Variants in CRB1 observed in about 807,000 individuals in gnomAD.
CRB1 encodes protein crumbs homolog 1.
In CRB1, 83 loss-of-function variants were observed where a neutral mutation model predicts 120.0. That is an observed-to-expected ratio of 0.69 (90% CI 0.58 to 0.83). The LOEUF is 0.83. Among genes scored for constraint, CRB1 ranks in the 40% least tolerant of loss-of-function variants. The pLI is 0.00. For missense variants in CRB1, 1,699 were observed against 1,687.6 expected, an observed-to-expected ratio of 1.01 and a Z score of -0.12; for synonymous variants, 625 against 612.5, an observed-to-expected ratio of 1.02 and a Z score of -0.30.
At chr1:197,394,131 G>T (rs1662651800) in intron 5 of CRB1, among the ~76,000 whole-genome samples, 2 of 151,952 alleles carry the variant, frequency 1.3e-5, no homozygotes, top group African/African-American at 4.8e-5. Flanking sequence ...TTTTGCCTGT[G>T]CCATGCTGGA....
the CRB1 span, among the ~76,000 whole-genome samples, chr1:197,218,716 TG>T: frequency 6.6e-6 from 1 of 152,136 alleles, no homozygotes; most frequent in Non-Finnish European, 1.5e-5. Context: ...GGCAGACACA[TG>T]GGCTTCAAAG....
At chr1:197,238,299 C>T in the CRB1 span, among the ~76,000 whole-genome samples, 2 of 151,750 alleles carry the variant, frequency 1.3e-5, no homozygotes, top group Non-Finnish European at 2.9e-5. Flanking sequence ...AAAATGATCC[C>T]CAATTTCCCA....
intron 1 of CRB1, among the ~76,000 whole-genome samples, chr1:197,295,014 C>A (rs1415024954): frequency 6.6e-6 from 1 of 152,014 alleles, no homozygotes; most frequent in Admixed American, 6.6e-5. Context: ...ATGTAGCAAA[C>A]CTGCACGTTG....
intron 8 of CRB1, among the ~76,000 whole-genome samples, chr1:197,433,171 T>C (rs1303297980): frequency 5.3e-5 from 8 of 151,940 alleles, no homozygotes; most frequent in African/African-American, 1.9e-4. Flanking sequence ...GCTGAGATTA[T>C]ACCCACAACT....
At chr1:197,463,558 T>G (rs1472468954) in intron 11 of CRB1, among the ~76,000 whole-genome samples, 1 of 152,168 alleles carries the variant, frequency 6.6e-6, no homozygotes, top group African/African-American at 2.4e-5. Context: ...TATATAGTGC[T>G]CTATCTAAGG....
chr1:197,473,405 A>G (rs1667063340), intron 11 of CRB1, among the ~76,000 whole-genome samples: 1 of 152,212 alleles, frequency 6.6e-6, no homozygotes, highest in African/African-American at 2.4e-5. Context: ...AATACCATGG[A>G]ATAACCTTGC....
intron 11 of CRB1, among the ~76,000 whole-genome samples, chr1:197,468,570 G>A (rs568927102): frequency 7.2e-5 from 11 of 152,178 alleles, no homozygotes; most frequent in African/African-American, 2.4e-4. Flanking sequence ...TGTGTGAGTC[G>A]ATAATAATTG....
the CRB1 span, among the ~76,000 whole-genome samples, chr1:197,239,559 A>G: frequency 6.6e-6 from 1 of 152,090 alleles, no homozygotes; most frequent in Non-Finnish European, 1.5e-5. Context: ...TTTACTTTCA[A>G]TCTGTCTATA....
intron 8 of CRB1, among the ~76,000 whole-genome samples, chr1:197,430,407 A>G (rs1168436734): frequency 6.6e-6 from 1 of 152,204 alleles, no homozygotes; most frequent in Admixed American, 6.5e-5. Context: ...TTCCATCATT[A>G]CAAAAAATTT....
chr1:197,421,188 G>A lies in CRB1; in HGVS notation c.1360G>A (p.Gly454Arg), dbSNP rs954595597. The A allele has an allele frequency of 2.5e-6, 4 of 1,614,038 alleles. No homozygotes were observed. Among genetic ancestry groups the A allele is most frequent in the Non-Finnish European group, 2.5e-6 (3 of 1,180,046 alleles). Reference protein sequence around the residue: ...GCTHQQCLNNGTCIPHFQDGQ... With the variant: ...GCTHQQCLNNRTCIPHFQDGQ... ...TACCCATCAGCAATGTCTAAATAAT[G>A]GAACATGCATCCCTCACTTCCAAGA... The change falls in exon 6 of 12, where the codon GGA becomes AGA. Residue 454 changes from glycine (G) to arginine (R), a missense_variant. Transcript: ENST00000367400.
intron 1 of CRB1, among the ~76,000 whole-genome samples, chr1:197,303,761 A>G (rs1008571860): frequency 1.3e-5 from 2 of 152,172 alleles, no homozygotes; most frequent in African/African-American, 4.8e-5. Flanking sequence ...CCTTTATCTA[A>G]TAGCTAAACT....
At chr1:197,423,984 T>C (rs1451425084) in intron 6 of CRB1, among the ~76,000 whole-genome samples, 1 of 152,216 alleles carries the variant, frequency 6.6e-6, no homozygotes, top group African/African-American at 2.4e-5. Context: ...GCATTCAAGA[T>C]ACTACTACTC....
intron 11 of CRB1, chr1:197,444,110 C>T (rs1258404210): frequency 2.6e-5 from 4 of 151,972 alleles, no homozygotes; most frequent in Non-Finnish European, 5.9e-5. Context: ...TGAGAATGAC[C>T]AAGGTAAATT....
intron 5 of CRB1, among the ~76,000 whole-genome samples, chr1:197,372,770 C>G (rs943855976): frequency 2.6e-5 from 4 of 151,480 alleles, no homozygotes; most frequent in Non-Finnish European, 5.9e-5. Context: ...TCTCTTTGTA[C>G]GCATACAAGG....
At chr1:197,274,257 A>G (rs1252305334) in intron 1 of CRB1, among the ~76,000 whole-genome samples, 1 of 152,112 alleles carries the variant, frequency 6.6e-6, no homozygotes, top group East Asian at 1.9e-4. Flanking sequence ...CCATACTCCT[A>G]TGGGAAACAA....
chr1:197,236,939 AT>A, the CRB1 span, among the ~76,000 whole-genome samples: 1 of 151,864 alleles, frequency 6.6e-6, no homozygotes, highest in Non-Finnish European at 1.5e-5. Context: ...TTTTATTGAT[AT>A]TTTTTGCATT....
chr1:197,316,078 T>C (rs1657819684), intron 1 of CRB1, among the ~76,000 whole-genome samples: 1 of 152,220 alleles, frequency 6.6e-6, no homozygotes, highest in Admixed American at 6.5e-5. Flanking sequence ...TCTTAAGATC[T>C]TCACTAGGGG....
At chr1:197,337,437 C>A (rs1299707675) in intron 2 of CRB1, among the ~76,000 whole-genome samples, 1 of 152,134 alleles carries the variant, frequency 6.6e-6, no homozygotes, top group Non-Finnish European at 1.5e-5. Flanking sequence ...TGGTTTGGTA[C>A]TGATAAATAA....
chr1:197,458,891 A>G (rs1233402213), intron 11 of CRB1, among the ~76,000 whole-genome samples: 1 of 152,174 alleles, frequency 6.6e-6, no homozygotes, highest in Non-Finnish European at 1.5e-5. Context: ...AAAGCACAGT[A>G]TAAATTCACA....
Sources: allele counts gnomAD v4.1 joint callset (sites outside exome capture counted in the v4.1 genomes callset), GRCh38; gene constraint gnomAD v4.1.1; transcripts MANE v1.5; gene names NCBI Gene and HGNC (gene_info 2026-07-23, HGNC 2026-07-21).